CFAP61: variants seen among roughly 807,000 people sequenced by gnomAD.
CFAP61 encodes cilia and flagella associated protein 61.
In CFAP61, 107 loss-of-function variants were observed where a neutral mutation model predicts 135.6. That is an observed-to-expected ratio of 0.79 (90% CI 0.67 to 0.93). CFAP61 has a LOEUF of 0.93. CFAP61 is among the 40% of genes least tolerant of loss of function. The probability of loss-of-function intolerance (pLI) is 0.00; values close to 1 mark genes in which losing one functional copy is unlikely to be tolerated. For synonymous variants in CFAP61, 575 were observed against 578.5 expected (o/e 0.99, Z 0.09); for missense variants, 1,507 against 1,556.2 (o/e 0.97, Z 0.53).
intron 23 of CFAP61, 52 bp from the exon 24 acceptor site, chr20:20,290,248 A>C: frequency 6.9e-4 from 658 of 950,002 alleles, no homozygotes; most frequent in Non-Finnish European, 1.1e-3. Context: ...GAGCTCTGTT[A>C]CTCACCTCAT....
At position 20,075,689 on chromosome 20, in the gene CFAP61, C is replaced by T. The variant is rs1038200049; in HGVS notation, c.566+74C>T. ...CATCTTCCCAAGACTCTTTAAACTA[C>T]CAATGCTAAGTGACTATAGCTTAGA... On this transcript the variant is annotated intron_variant, in intron 6 of 26. Coordinates refer to ENST00000245957, the MANE Select transcript of CFAP61 (RefSeq NM_015585.4). 31 of 1,539,544 alleles carry T rather than the reference C, an allele frequency of 2.0e-5. No homozygotes were observed. The Admixed American group carries it at 4.6e-4, about 23-fold the overall frequency.
intron 8 of CFAP61, among the ~76,000 whole-genome samples, chr20:20,104,970 A>G (rs552284461): frequency 4.6e-5 from 7 of 152,316 alleles, no homozygotes; most frequent in East Asian, 1.9e-4. Flanking sequence ...CTGCAAATAC[A>G]GTCCCATTCT....
chr20:20,356,105 G>A (rs1207112134), intron 26 of CFAP61, among the ~76,000 whole-genome samples: 5 of 28,112 alleles, frequency 1.8e-4, no homozygotes, highest in Admixed American at 4.1e-4. Context: ...TGTGAGGGGA[G>A]GTGGTCACAC....
At chr20:20,136,150 G>A (rs1007722749) in intron 8 of CFAP61, among the ~76,000 whole-genome samples, 1 of 151,808 alleles carries the variant, frequency 6.6e-6, no homozygotes, top group Non-Finnish European at 1.5e-5. Flanking sequence ...TTCTCTTGCT[G>A]CTTTTAGGGT....
At chr20:20,187,386 G>A (rs1201276111) in intron 13 of CFAP61, among the ~76,000 whole-genome samples, 2 of 152,206 alleles carry the variant, frequency 1.3e-5, no homozygotes, top group South Asian at 2.1e-4. Context: ...GGGATCACAC[G>A]TGAGCAGAGG....
chr20:20,281,311 T>A (rs2054183695), intron 22 of CFAP61, among the ~76,000 whole-genome samples: 1 of 152,206 alleles, frequency 6.6e-6, no homozygotes, highest in South Asian at 2.1e-4. Flanking sequence ...ATAGACATCC[T>A]TGCCTTGTTC....
At chr20:20,197,623 AC>A (rs2056380367) in intron 16 of CFAP61, among the ~76,000 whole-genome samples, 1 of 150,836 alleles carries the variant, frequency 6.6e-6, no homozygotes. Context: ...ACATATACTC[AC>A]CCCCCTCCCC....
chr20:20,076,571 G>A (rs2046064092), intron 6 of CFAP61, among the ~76,000 whole-genome samples: 1 of 152,216 alleles, frequency 6.6e-6, no homozygotes, highest in Non-Finnish European at 1.5e-5. Context: ...TAGAGTGGCT[G>A]TTTGGAAATA....
intron 24 of CFAP61, among the ~76,000 whole-genome samples, chr20:20,293,849 T>C (rs2055187520): frequency 6.6e-6 from 1 of 152,200 alleles, no homozygotes; most frequent in Admixed American, 6.5e-5. Flanking sequence ...TTGGATACCA[T>C]CAAATTTAAA....
intron 17 of CFAP61, among the ~76,000 whole-genome samples, chr20:20,212,903 A>G (rs892543747): frequency 6.6e-6 from 1 of 152,156 alleles, no homozygotes; most frequent in Non-Finnish European, 1.5e-5. Flanking sequence ...TCCCTGCCAC[A>G]TAGCACTTGT....
At chr20:20,351,332 G>A (rs1323486071) in intron 26 of CFAP61, among the ~76,000 whole-genome samples, 1 of 152,186 alleles carries the variant, frequency 6.6e-6, no homozygotes, top group Non-Finnish European at 1.5e-5. Context: ...TGTAATCCCA[G>A]CACCTTGAGA....
intron 25 of CFAP61, among the ~76,000 whole-genome samples, chr20:20,302,322 A>G (rs1321652913): frequency 6.6e-6 from 1 of 152,140 alleles, no homozygotes; most frequent in African/African-American, 2.4e-5. Flanking sequence ...CAACTTTTAT[A>G]CTGTTTATTT....
chr20:20,206,218 T>C (rs530751772), intron 17 of CFAP61, among the ~76,000 whole-genome samples: 17 of 152,290 alleles, frequency 1.1e-4, no homozygotes, highest in African/African-American at 3.8e-4. Context: ...TATAGGACAG[T>C]CTCTCTCTTC....
intron 6 of CFAP61, among the ~76,000 whole-genome samples, chr20:20,083,844 G>C (rs1482768074): frequency 2.6e-5 from 4 of 152,168 alleles, no homozygotes; most frequent in Non-Finnish European, 5.9e-5. Flanking sequence ...AAAAGCACAT[G>C]ACAAATTTGA....
chr20:20,057,947 C>T (rs754467439), intron 2 of CFAP61, among the ~76,000 whole-genome samples: 3 of 152,116 alleles, frequency 2.0e-5, no homozygotes, highest in South Asian at 2.1e-4. Flanking sequence ...AGGCTGGTCT[C>T]GAACTCCTGG....
intron 18 of CFAP61, among the ~76,000 whole-genome samples, chr20:20,240,224 G>T (rs531896248): frequency 8.5e-5 from 13 of 152,336 alleles, no homozygotes; most frequent in African/African-American, 3.1e-4. Context: ...TAGTAAATGT[G>T]CAAGAGGAAG....
chr20:20,269,186 C>CATATATAT (rs1569219606), intron 21 of CFAP61, among the ~76,000 whole-genome samples: 1 of 90,784 alleles, frequency 1.1e-5, no homozygotes, highest in African/African-American at 3.6e-5. Context: ...TATATACACA[C>CATATATAT]ACATATATAC....
chr20:20,079,324 G>T (rs562593073), intron 6 of CFAP61, among the ~76,000 whole-genome samples: 1 of 152,308 alleles, frequency 6.6e-6, no homozygotes, highest in East Asian at 1.9e-4. Flanking sequence ...TTGGTTTGGG[G>T]TGTGGTCTTG....
At chr20:20,056,122 A>C in intron 1 of CFAP61, 1 of 777,804 alleles carries the variant, frequency 1.3e-6, no homozygotes, top group Non-Finnish European at 2.1e-6. Context: ...GTGGCCCTTC[A>C]GGAAGCCTAT....
Sources: allele counts gnomAD v4.1 joint callset (sites outside exome capture counted in the v4.1 genomes callset), GRCh38; gene constraint gnomAD v4.1.1; transcripts MANE v1.5; gene names NCBI Gene and HGNC (gene_info 2026-07-23, HGNC 2026-07-21).